Variants in HS6ST3 observed in about 807,000 individuals in gnomAD.
HS6ST3 encodes heparan sulfate 6-O-sulfotransferase 3.
Under a neutral mutation model 36.7 loss-of-function variants are expected in HS6ST3, and 12 were observed. The observed-to-expected ratio is 0.33, with a 90% CI of 0.21 to 0.53. The LOEUF (loss-of-function observed/expected upper bound fraction) is 0.53. HS6ST3 is among the 20% of genes least tolerant of loss of function. The pLI is 0.95. For synonymous variants in HS6ST3, 240 were observed against 257.5 expected (o/e 0.93, Z 0.65); for missense variants, 584 against 640.9 (o/e 0.91, Z 0.96).
At chr13:96,552,386 G>T (rs2138949325) in intron 1 of HS6ST3, among the ~76,000 whole-genome samples, 1 of 152,330 alleles carries the variant, frequency 6.6e-6, no homozygotes, top group East Asian at 1.9e-4. Flanking sequence ...CTACTCTGAA[G>T]GTGACACGCT....
chr13:96,732,823 C>T (rs1364787807), intron 1 of HS6ST3, among the ~76,000 whole-genome samples: 1 of 78,386 alleles, frequency 1.3e-5, no homozygotes, highest in African/African-American at 8.0e-5. Flanking sequence ...TGACTTCCAT[C>T]AACGTTTTAT....
chr13:96,146,244 G>T (rs1013161992), intron 1 of HS6ST3, among the ~76,000 whole-genome samples: 1 of 152,106 alleles, frequency 6.6e-6, no homozygotes, highest in African/African-American at 2.4e-5. Context: ...ATTACCTAGG[G>T]CAGTATGGCC....
chr13:96,140,566 T>C (rs1204698732), intron 1 of HS6ST3, among the ~76,000 whole-genome samples: 2 of 152,168 alleles, frequency 1.3e-5, no homozygotes, highest in African/African-American at 2.4e-5. Flanking sequence ...CAAGAAAAAG[T>C]TTAATTGCTT....
At position 96,595,421 on chromosome 13, in the gene HS6ST3, A is replaced by G. The variant is rs952702417; in HGVS notation, c.708-237069A>G. ...ATTAGATGTATTAGAACTCTTTTAT[A>G]TGTTATTTTTTTTTCTCTTGCTGCT... On this transcript the variant is annotated intron_variant, in intron 1 of 1. Transcript: ENST00000376705. Among the ~76,000 whole-genome samples the G allele has an allele frequency of 1.1e-4, 16 of 151,596 alleles. 1 individual carries two copies. Among genetic ancestry groups the G allele is most frequent in the South Asian group, 4.2e-4 (2 of 4,790 alleles).
chr13:96,661,875 A>G (rs2056647639), intron 1 of HS6ST3, among the ~76,000 whole-genome samples: 1 of 152,138 alleles, frequency 6.6e-6, no homozygotes, highest in Non-Finnish European at 1.5e-5. Flanking sequence ...CAGGATACAA[A>G]ATTCTTTTCT....
chr13:96,772,094 T>C (rs1243154926), intron 1 of HS6ST3, among the ~76,000 whole-genome samples: 2 of 152,188 alleles, frequency 1.3e-5, no homozygotes, highest in African/African-American at 4.8e-5. Flanking sequence ...CAGGGTTTTA[T>C]ATGGGAAATA....
At chr13:96,384,467 T>C (rs1204897282) in intron 1 of HS6ST3, among the ~76,000 whole-genome samples, 1 of 152,146 alleles carries the variant, frequency 6.6e-6, no homozygotes, top group African/African-American at 2.4e-5. Context: ...TTGGAAGTAT[T>C]GCTTTGTTTG....
intron 1 of HS6ST3, among the ~76,000 whole-genome samples, chr13:96,737,257 CATGA>C (rs1227111250): frequency 1.3e-5 from 2 of 152,136 alleles, no homozygotes; most frequent in Non-Finnish European, 2.9e-5. Flanking sequence ...TAATAAAGAA[CATGA>C]ATGAATGAAG....
At chr13:96,246,618 G>A (rs1013898768) in intron 1 of HS6ST3, among the ~76,000 whole-genome samples, 9 of 152,172 alleles carry the variant, frequency 5.9e-5, no homozygotes, top group African/African-American at 2.2e-4. Flanking sequence ...TGCCCTGGTA[G>A]CTTCTCTAAA....
At chr13:96,529,702 CTTAT>C (rs1192867880) in intron 1 of HS6ST3, among the ~76,000 whole-genome samples, 1 of 151,996 alleles carries the variant, frequency 6.6e-6, no homozygotes, top group Non-Finnish European at 1.5e-5. Context: ...ATGATTTTTG[CTTAT>C]TTAACATTTA....
At chr13:96,328,696 A>G (rs1265553530) in intron 1 of HS6ST3, among the ~76,000 whole-genome samples, 1 of 152,130 alleles carries the variant, frequency 6.6e-6, no homozygotes, top group Non-Finnish European at 1.5e-5. Context: ...CTGGCCTCAT[A>G]AAATGAGTTA....
At chr13:96,136,405 G>T (rs561961897) in intron 1 of HS6ST3, among the ~76,000 whole-genome samples, 1 of 152,088 alleles carries the variant, frequency 6.6e-6, no homozygotes, top group Non-Finnish European at 1.5e-5. Flanking sequence ...GGCAGAGCAG[G>T]AACAGGCGTC....
intron 1 of HS6ST3, among the ~76,000 whole-genome samples, chr13:96,353,250 T>C (rs1471639287): frequency 6.6e-6 from 1 of 151,898 alleles, no homozygotes; most frequent in Non-Finnish European, 1.5e-5. Context: ...TCCAGGATGG[T>C]CTTGATCTCT....
At chr13:96,314,968 C>T (rs1034134412) in intron 1 of HS6ST3, among the ~76,000 whole-genome samples, 1 of 151,986 alleles carries the variant, frequency 6.6e-6, no homozygotes, top group African/African-American at 2.4e-5. Context: ...ATACCAATAT[C>T]AACAAAGCAG....
At chr13:96,751,077 C>T (rs1355094953) in intron 1 of HS6ST3, among the ~76,000 whole-genome samples, 1 of 152,084 alleles carries the variant, frequency 6.6e-6, no homozygotes, top group Admixed American at 6.6e-5. Flanking sequence ...TTACCCTCAT[C>T]ATATGTTTTG....
intron 1 of HS6ST3, among the ~76,000 whole-genome samples, chr13:96,331,465 G>A (rs150141912): frequency 0.084 from 12,707 of 152,178 alleles, 575 homozygotes; most frequent in Middle Eastern, 0.11. Context: ...TGCCCCTGCC[G>A]GGGGGATGCC....
intron 1 of HS6ST3, among the ~76,000 whole-genome samples, chr13:96,320,749 C>T (rs989668164): frequency 6.6e-6 from 1 of 152,132 alleles, no homozygotes; most frequent in Non-Finnish European, 1.5e-5. Context: ...GGCCCAGCAT[C>T]CCCAGCGTCG....
intron 1 of HS6ST3, among the ~76,000 whole-genome samples, chr13:96,734,555 C>A (rs781249939): frequency 1.3e-5 from 2 of 152,256 alleles, no homozygotes; most frequent in South Asian, 4.1e-4. Context: ...ATTAGAATTT[C>A]ATATAGATGT....
intron 1 of HS6ST3, among the ~76,000 whole-genome samples, chr13:96,757,770 T>C (rs193173925): frequency 6.9e-4 from 105 of 152,270 alleles, no homozygotes; most frequent in East Asian, 3.9e-3. Context: ...GTGAATTACA[T>C]TGATTGATTT....
Sources: gnomAD v4.1 joint callset for allele counts (sites outside exome capture counted in the v4.1 genomes callset) on GRCh38, gnomAD v4.1.1 for gene constraint, MANE v1.5 for transcripts, NCBI Gene and HGNC (gene_info 2026-07-23, HGNC 2026-07-21) for gene names.